The following SCLT1 variants were observed in gnomAD, a reference collection of about 807,000 sequenced individuals.
The protein encoded by SCLT1 is sodium channel-associated protein 1.
A neutral mutation model predicts 112.8 loss-of-function variants in SCLT1; 78 were observed. The observed-to-expected ratio is 0.69, with a 90% CI of 0.58 to 0.83. The LOEUF (loss-of-function observed/expected upper bound fraction) is 0.83. SCLT1 is among the 40% of genes least tolerant of loss of function. The probability of loss-of-function intolerance (pLI) is 0.00; values close to 1 mark genes in which losing one functional copy is unlikely to be tolerated. For missense variants in SCLT1, 747 were observed against 770.4 expected (o/e 0.97, Z 0.36); for synonymous variants, 257 against 254.7 (o/e 1.01, Z -0.09).
At chr4:128,905,034 T>C (rs1302446459) in intron 18 of SCLT1, among the ~76,000 whole-genome samples, 4 of 152,206 alleles carry the variant, frequency 2.6e-5, no homozygotes, top group Non-Finnish European at 4.4e-5. Flanking sequence ...ATTTCTATCT[T>C]TAGCCTGACC....
intron 18 of SCLT1, among the ~76,000 whole-genome samples, chr4:128,910,620 T>G (rs1735019524): frequency 1.3e-5 from 2 of 152,144 alleles, no homozygotes; most frequent in Admixed American, 1.3e-4. Context: ...ATTCTGGGTT[T>G]TGTGTTTTGA....
chr4:129,078,654 C>T (rs1468522778), intron 2 of SCLT1, among the ~76,000 whole-genome samples: 1 of 152,052 alleles, frequency 6.6e-6, no homozygotes, highest in African/African-American at 2.4e-5. Context: ...GAGCAGTCAG[C>T]TAAATATTGA....
intron 14 of SCLT1, among the ~76,000 whole-genome samples, chr4:128,949,681 C>A (rs567340537): frequency 6.6e-6 from 1 of 152,190 alleles, no homozygotes; most frequent in Non-Finnish European, 1.5e-5. Context: ...TTTCCAGCTT[C>A]ATCCATGTCC....
chr4:129,032,652 A>C (rs1475075875), intron 5 of SCLT1, among the ~76,000 whole-genome samples: 2 of 152,100 alleles, frequency 1.3e-5, no homozygotes, highest in African/African-American at 2.4e-5. Context: ...AGAAAAAAAA[A>C]CCCCATCAAA....
Position 129,035,360 on chromosome 4 carries a change from A to T in SCLT1, c.290+3681T>A, listed in dbSNP as rs575500295. 5.3e-5 allele frequency among the ~76,000 whole-genome samples: 8 copies of T among 152,258 alleles called. No homozygotes were observed. The South Asian group carries it at 1.7e-3, about 32-fold the overall frequency. ...GAAAAACTTTTTCAGAAGCTCCACAAGGGACTTTCATCTCACTGGCTAAAA... is the reference window on the plus strand; with the variant it reads ...GAAAAACTTTTTCAGAAGCTCCACATGGGACTTTCATCTCACTGGCTAAAA... On this transcript the variant is annotated intron_variant, in intron 5 of 20. Coordinates refer to ENST00000281142, the MANE Select transcript of SCLT1 (RefSeq NM_144643.4).
intron 5 of SCLT1, among the ~76,000 whole-genome samples, chr4:129,018,652 A>G (rs1282038092): frequency 6.6e-6 from 1 of 152,218 alleles, no homozygotes; most frequent in Admixed American, 6.5e-5. Context: ...ACAGAAAACT[A>G]CAATTAATAG....
In SCLT1 at chr4:128,992,383, C is replaced by T. The variant is rs1742652368; in HGVS notation, c.616-146G>A. 5.4e-6 allele frequency: 3 copies of T among 551,410 alleles called. No individual in the cohort carries two copies. The African/African-American group carries it at 5.9e-5, about 11-fold the overall frequency. 34.2% of individuals were successfully genotyped at this position (551,410 alleles called of 1,614,324 possible). ...TTTTGAGGGTAAAACATAACCTTGG[C>T]CTTCTTTCCTTGCCTTTACTACTTC... On this transcript the variant is annotated intron_variant, in intron 8 of 20. Transcript: ENST00000281142.
At chr4:128,967,541 T>C (rs1740312698) in intron 10 of SCLT1, among the ~76,000 whole-genome samples, 1 of 152,224 alleles carries the variant, frequency 6.6e-6, no homozygotes, top group South Asian at 2.1e-4. Flanking sequence ...TTTGTAATGA[T>C]AGCCATTCTG....
chr4:129,037,002 A>T (rs1281963560), intron 5 of SCLT1: 1 of 152,022 alleles, frequency 6.6e-6, no homozygotes, highest in African/African-American at 2.4e-5. Flanking sequence ...TTATGGGTTA[A>T]AGTTAAGAAA....
chr4:129,059,737 A>G (rs1186699242), intron 2 of SCLT1, among the ~76,000 whole-genome samples: 3 of 152,106 alleles, frequency 2.0e-5, no homozygotes, highest in Non-Finnish European at 4.4e-5. Flanking sequence ...AGATTCTTTT[A>G]TATGTGACTT....
At chr4:128,970,156 A>C (rs1040951190) in intron 10 of SCLT1, among the ~76,000 whole-genome samples, 2 of 152,206 alleles carry the variant, frequency 1.3e-5, no homozygotes, top group Admixed American at 6.5e-5. Context: ...AGGTGTGATT[A>C]TGACGTTCTA....
At chr4:128,967,574 T>C (rs551741366) in intron 10 of SCLT1, among the ~76,000 whole-genome samples, 1 of 152,258 alleles carries the variant, frequency 6.6e-6, no homozygotes. Flanking sequence ...TGGTATCTCA[T>C]TGCGATTTTG....
chr4:128,879,019 A>C (rs139957186), downstream of SCLT1, among the ~76,000 whole-genome samples: 3,388 of 152,038 alleles, frequency 0.022, 107 homozygotes, highest in African/African-American at 0.073. Flanking sequence ...AGGAGATATA[A>C]CTAATGTAAA....
chr4:129,060,045 C>T (rs1409052310), intron 2 of SCLT1, among the ~76,000 whole-genome samples: 1 of 151,922 alleles, frequency 6.6e-6, no homozygotes, highest in Non-Finnish European at 1.5e-5. Context: ...TTATTTTTTT[C>T]TGCAGAAAAT....
At chr4:129,014,324 A>C (rs1436744996) in intron 5 of SCLT1, among the ~76,000 whole-genome samples, 2 of 152,122 alleles carry the variant, frequency 1.3e-5, no homozygotes, top group African/African-American at 4.8e-5. Flanking sequence ...TAGCCATCTT[A>C]GTCCAGTTCT....
chr4:129,025,860 C>G (rs1386003394), intron 5 of SCLT1, among the ~76,000 whole-genome samples: 1 of 151,586 alleles, frequency 6.6e-6, no homozygotes, highest in Non-Finnish European at 1.5e-5. Context: ...GGAAGATCTA[C>G]CAAGCAAATG....
intron 11 of SCLT1, among the ~76,000 whole-genome samples, chr4:128,962,195 A>G (rs761463719): frequency 1.3e-5 from 2 of 152,232 alleles, no homozygotes; most frequent in Non-Finnish European, 2.9e-5. Flanking sequence ...TTCATGCTAT[A>G]AAGTTTTTAT....
In SCLT1 at chr4:129,015,189, G is replaced by A. The variant is rs143186148; in HGVS notation, c.291-11313C>T. 3.0e-4 allele frequency among the ~76,000 whole-genome samples: 45 copies of A among 152,264 alleles called. No individual in the cohort carries two copies. In the East Asian group the frequency reaches 7.7e-3, roughly 26 times the overall value. On this transcript the variant is annotated intron_variant, in intron 5 of 20. Coordinates refer to ENST00000281142, the MANE Select transcript of SCLT1 (RefSeq NM_144643.4). ...ACACTCCCATGTGCTAGTGGGGCAA[G>A]GAAAGCAAAACCTGCCCGCACAGAC...
In SCLT1 at chr4:128,874,767, A is replaced by G. The variant is rs1213106036; in HGVS notation, n.356-301T>C. ...GCTTTATCTTTCCTTGTGCATCCTG[A>G]CCAAGAAATATCTTTGATTATGATT... is the stretch of plus-strand genomic sequence containing the variant. On this transcript the variant is annotated intron_variant and non_coding_transcript_variant, in intron 4 of 7. Coordinates refer to the SCLT1 transcript ENST00000503565. 2.6e-5 allele frequency: 4 copies of G among 152,592 alleles called. No individual in the cohort carries two copies. The East Asian group carries it at 7.7e-4, about 29-fold the overall frequency. The allele number at this position is 152,592 out of a possible 1,614,324, so 9.5% of individuals were successfully genotyped here.
Sources: allele counts gnomAD v4.1 joint callset (sites outside exome capture counted in the v4.1 genomes callset), GRCh38; gene constraint gnomAD v4.1.1; transcripts MANE v1.5; gene names NCBI Gene and HGNC (gene_info 2026-07-23, HGNC 2026-07-21).